Variants in UGGT1 observed in about 807,000 individuals in gnomAD.
UGGT1 encodes the protein UDP-glucose:glycoprotein glucosyltransferase 1.
A neutral mutation model predicts 203.9 loss-of-function variants in UGGT1; 107 were observed. The observed-to-expected ratio is 0.52, with a 90% confidence interval of 0.45 to 0.62. The LOEUF (loss-of-function observed/expected upper bound fraction) is 0.62. Among genes scored for constraint, UGGT1 ranks in the 20% least tolerant of loss-of-function variants. The pLI is 0.00. For missense variants in UGGT1, 1,673 were observed against 1,867.2 expected, an observed-to-expected ratio of 0.90 and a Z score of 1.92; for synonymous variants, 628 against 653.5, an observed-to-expected ratio of 0.96 and a Z score of 0.59.
chr2:128,174,900 G>C, intron 31 of UGGT1, 42 bp downstream of exon 31: 1 of 1,554,950 alleles, frequency 6.4e-7, no homozygotes, highest in Non-Finnish European at 8.8e-7. Context: ...AGAACTTTTA[G>C]AAATGAGCAT....
At position 128,190,729 on chromosome 2, in the gene UGGT1, T is replaced by C. The variant is rs1253948152; in HGVS notation, c.*987T>C. The C allele has an allele frequency of 6.6e-6, 1 of 152,268 alleles. No individual in the cohort carries two copies. The highest frequency in any genetic ancestry group is 2.4e-5 in the African/African-American group (1 of 41,450). 9.4% of individuals were successfully genotyped at this position (152,268 alleles called of 1,614,324 possible). A position where few individuals can be genotyped will look rare whatever the true frequency, so the allele number is the denominator to read the frequency against. Reference sequence around the variant, plus strand: ...ACCGCATTGTCTGCCCTCTTTTGCGTAGGATTTTTCTCTCAGACCCAGGGG... The same window carrying C: ...ACCGCATTGTCTGCCCTCTTTTGCGCAGGATTTTTCTCTCAGACCCAGGGG... On this transcript the variant is annotated 3_prime_UTR_variant, in exon 41 of 41. Transcript: ENST00000259253.
intron 17 of UGGT1, 125 bp downstream of exon 17, chr2:128,143,350 T>A: frequency 9.0e-7 from 1 of 1,108,350 alleles, no homozygotes; most frequent in Non-Finnish European, 1.2e-6. Flanking sequence ...CATTTAAAAG[T>A]TTAGAAACCA....
In UGGT1 at chr2:128,116,352, G is replaced by T. The variant is rs200858489; in HGVS notation, c.872+9G>T. On this transcript the variant is annotated intron_variant, in intron 8 of 40. Transcript: ENST00000259253. ...CTCTTTGGAAAATTAAGGTATGTAT[G>T]TTCTGTGTATTTTGGGAAACGCCCT... The T allele has an allele frequency of 3.5e-5, 56 of 1,579,706 alleles. No homozygotes were observed. Among genetic ancestry groups the T allele is most frequent in the Non-Finnish European group, 4.8e-5 (55 of 1,150,972 alleles).
At chr2:128,093,124 CT>C (rs1686947763) in intron 1 of UGGT1, among the ~76,000 whole-genome samples, 1 of 152,202 alleles carries the variant, frequency 6.6e-6, no homozygotes, top group Non-Finnish European at 1.5e-5. Context: ...AGTGGCAAAG[CT>C]CTTTTTTAAT....
chr2:128,183,924 G>GTA, intron 38 of UGGT1, 135 bp downstream of exon 38: 1 of 554,140 alleles, frequency 1.8e-6, no homozygotes, highest in Non-Finnish European at 3.3e-6. Context: ...GTGTGTGTGT[G>GTA]TGTGTGTGTG....
intron 22 of UGGT1, among the ~76,000 whole-genome samples, chr2:128,159,132 C>T (rs954139864): frequency 7.6e-6 from 1 of 132,190 alleles, no homozygotes; most frequent in Non-Finnish European, 1.6e-5. Flanking sequence ...CGGAGTCTTA[C>T]TCTGTCATCC....
chr2:128,102,687 C>A (rs1261714980), intron 2 of UGGT1, among the ~76,000 whole-genome samples: 1 of 152,010 alleles, frequency 6.6e-6, no homozygotes, highest in Non-Finnish European at 1.5e-5. Flanking sequence ...AGAAGTTTCC[C>A]TGTAATTGTA....
At chr2:128,156,436 G>A (rs1467861942) in intron 21 of UGGT1, 21 bp downstream of exon 21, 3 of 1,563,154 alleles carry the variant, frequency 1.9e-6, no homozygotes, top group African/African-American at 1.4e-5. Flanking sequence ...ACTTCAGAAT[G>A]TTCTATTTCT....
chr2:128,182,032 C>T (rs62160075), intron 36 of UGGT1, 98 bp from the exon 37 acceptor site: 207,264 of 1,231,680 alleles, frequency 0.17, 19,615 homozygotes, highest in Non-Finnish European at 0.19. Flanking sequence ...ACGGAGCAGC[C>T]TTCCATGCTG....
chr2:128,106,139 G>A (rs1200564750), intron 3 of UGGT1, among the ~76,000 whole-genome samples: 1 of 143,734 alleles, frequency 7.0e-6, no homozygotes, highest in Non-Finnish European at 1.5e-5. Flanking sequence ...TGGAGATATA[G>A]ATATGTAAAT....
In UGGT1 at chr2:128,143,101, A is replaced by G. The variant is rs1055282991; in HGVS notation, c.1727A>G (p.Asn576Ser). The change falls in exon 17 of 41, where the codon AAC becomes AGC. Residue 576 changes from asparagine to serine, a missense_variant. Physicochemically the swap from Asn to Ser is conservative, Grantham distance 46 (BLOSUM62 1). This residue lies in a region of UGGT1 where 1,073 missense variants were observed against 1,078.7 expected (regional missense o/e 0.99). Coordinates refer to ENST00000259253, the MANE Select transcript of UGGT1 (RefSeq NM_020120.4). The part of the protein sequence containing the change: ...HAFQTLTHIY[N>S]KVRTGEKVKV... Reference sequence around the variant, plus strand: ...TGTTTTTTCTTTCTTCAGATCTATAACAAGGTGAGGACTGGAGAAAAAGTG... The same window carrying G: ...TGTTTTTTCTTTCTTCAGATCTATAGCAAGGTGAGGACTGGAGAAAAAGTG... 1.2e-6 allele frequency: 2 copies of G among 1,602,692 alleles called. No homozygotes were observed. The highest frequency in any genetic ancestry group is 8.5e-7 in the Non-Finnish European group (1 of 1,174,846).
intron 30 of UGGT1, among the ~76,000 whole-genome samples, chr2:128,174,289 G>A (rs1019945411): frequency 6.6e-6 from 1 of 151,346 alleles, no homozygotes; most frequent in African/African-American, 2.4e-5. Flanking sequence ...TTATTGGTGT[G>A]ACTGGCCTTT....
At chr2:128,108,220 C>T in intron 4 of UGGT1, 152 bp downstream of exon 4, 1 of 973,226 alleles carries the variant, frequency 1.0e-6, no homozygotes, top group Non-Finnish European at 1.5e-6. Context: ...AAATAATAAG[C>T]AAAATTGATG....
intron 30 of UGGT1, 152 bp from the exon 31 acceptor site, chr2:128,174,621 G>T: frequency 1.4e-6 from 1 of 692,126 alleles, no homozygotes; most frequent in Non-Finnish European, 2.4e-6. Flanking sequence ...TTTTTAATGT[G>T]TAGTTTTGGT....
intron 15 of UGGT1, among the ~76,000 whole-genome samples, chr2:128,136,666 A>C (rs180709805): frequency 6.6e-6 from 1 of 152,262 alleles, no homozygotes; most frequent in Non-Finnish European, 1.5e-5. Context: ...TAAACCTGCT[A>C]TAAACATCTG....
At position 128,138,817 on chromosome 2, in the gene UGGT1, G is replaced by A. The variant is rs1487964835; in HGVS notation, c.1684G>A (p.Val562Met). 1.9e-6 allele frequency: 3 copies of A among 1,614,194 alleles called. No individual in the cohort carries two copies. Among genetic ancestry groups the A allele is most frequent in the Non-Finnish European group, 2.5e-6 (3 of 1,180,038 alleles). ...LRAYNYVAQEVDDYHAFQTLT... is the reference protein window; with the variant it reads ...LRAYNYVAQEMDDYHAFQTLT... ...AGCATATAATTATGTTGCCCAAGAA[G>A]TGGATGATTATCATGCCTTCCAGAC... is the stretch of plus-strand genomic sequence containing the variant. The change falls in exon 16 of 41, where the codon GTG becomes ATG. Residue 562 changes from valine to methionine, a missense_variant. Val to Met is a conservative substitution (Grantham distance 21). Around this residue, in one of 4 missense-constraint regions of UGGT1, gnomAD observed 1,073 missense variants for 1,078.7 expected, o/e 0.99. Coordinates refer to ENST00000259253, the MANE Select transcript of UGGT1 (RefSeq NM_020120.4).
intron 33 of UGGT1, among the ~76,000 whole-genome samples, 157 bp from the exon 34 acceptor site, chr2:128,178,311 G>T (rs751544911): frequency 1.3e-5 from 2 of 152,150 alleles, no homozygotes; most frequent in Non-Finnish European, 2.9e-5. Context: ...TCAGTCTTGT[G>T]GTCTCTCCAG....
chr2:128,109,482 A>G (rs1411471872), intron 4 of UGGT1, 152 bp from the exon 5 acceptor site: 2 of 643,680 alleles, frequency 3.1e-6, no homozygotes, highest in East Asian at 5.7e-5. Context: ...CTGGTCTCCC[A>G]AAGTGCTGGG....
intron 18 of UGGT1, among the ~76,000 whole-genome samples, chr2:128,151,779 G>A (rs1461821744): frequency 2.0e-5 from 3 of 152,140 alleles, no homozygotes; most frequent in African/African-American, 4.8e-5. Flanking sequence ...GTTAAGGTAG[G>A]AAGATCCCTT....
Sources: gnomAD v4.1 joint callset for allele counts (sites outside exome capture counted in the v4.1 genomes callset) on GRCh38, gnomAD v4.1.1 for gene constraint, gnomAD v4.1.1 regional missense constraint, MANE v1.5 for transcripts, NCBI Gene and HGNC (gene_info 2026-07-23, HGNC 2026-07-21) for gene names.